ADGRL2: variants seen among roughly 807,000 people sequenced by gnomAD.
The protein encoded by ADGRL2 is adhesion G protein-coupled receptor L2, also known as calcium-independent alpha-latrotoxin receptor 2.
A neutral mutation model predicts 157.4 loss-of-function variants in ADGRL2; 44 were observed. That is an observed-to-expected ratio of 0.28 (90% confidence interval 0.22 to 0.36). The LOEUF is 0.36. ADGRL2 is among the 10% of genes least tolerant of loss of function. The pLI, the probability that ADGRL2 is intolerant of heterozygous loss-of-function variation, is 1.00. For missense variants in ADGRL2, 1,510 were observed against 1,768.9 expected, an observed-to-expected ratio of 0.85 and a Z score of 2.63; for synonymous variants, 585 against 624.7, an observed-to-expected ratio of 0.94 and a Z score of 0.95.
chr1:81,626,805 A>G (rs942286590), intron 3 of ADGRL2, among the ~76,000 whole-genome samples: 3 of 152,146 alleles, frequency 2.0e-5, no homozygotes, highest in African/African-American at 7.2e-5. Flanking sequence ...TTTTATAAAT[A>G]TTTGCTGATG....
chr1:81,498,570 G>A (rs2078777781), intron 2 of ADGRL2, among the ~76,000 whole-genome samples: 1 of 152,162 alleles, frequency 6.6e-6, no homozygotes, highest in Non-Finnish European at 1.5e-5. Context: ...GAGTATAATT[G>A]CAGTGTCAGC....
chr1:81,830,461 G>C (rs545445425), intron 1 of ADGRL2, among the ~76,000 whole-genome samples: 5 of 152,084 alleles, frequency 3.3e-5, no homozygotes, highest in Non-Finnish European at 7.4e-5. Flanking sequence ...CAAAACTTCA[G>C]CTTCTTACTG....
intron 1 of ADGRL2, among the ~76,000 whole-genome samples, chr1:81,406,274 G>A (rs1339671172): frequency 1.3e-5 from 2 of 152,114 alleles, no homozygotes; most frequent in Non-Finnish European, 2.9e-5. Flanking sequence ...TACAATTTAG[G>A]TTTAACACTG....
rs148181687 is a variant in ADGRL2, at chr1:81,990,748, T to C, written c.4013T>C (p.Ile1338Thr). 2.4e-4 allele frequency: 384 copies of C among 1,614,078 alleles called. No individual in the cohort carries two copies. The African/African-American group carries it at 4.6e-3, about 19-fold the overall frequency. Residue 1338 changes from isoleucine to threonine, a missense_variant, in exon 24 of 24, where the codon ATT becomes ACT. Physicochemically the swap from Ile to Thr is moderately conservative, Grantham distance 89. Around this residue, in one of 4 missense-constraint regions of ADGRL2, gnomAD observed 327 missense variants for 310.1 expected, o/e 1.05. Coordinates refer to ENST00000686636, the MANE Select transcript of ADGRL2 (RefSeq NM_001366006.2). ...LHHKELEAPLIPQRTHSLLYQ... is the reference protein window; with the variant it reads ...LHHKELEAPLTPQRTHSLLYQ... ...CACAAAGAACTCGAGGCACCACTTA[T>C]TCCTCAGCGGACTCACTCCCTTCTG...
chr1:81,921,300 T>C (rs2094972462), intron 3 of ADGRL2, among the ~76,000 whole-genome samples: 1 of 152,216 alleles, frequency 6.6e-6, no homozygotes, highest in South Asian at 2.1e-4. Flanking sequence ...ATAAAAAAAT[T>C]CTAAGACTTA....
chr1:81,552,578 C>A (rs1191671802), intron 2 of ADGRL2, among the ~76,000 whole-genome samples: 3 of 138,530 alleles, frequency 2.2e-5, no homozygotes, highest in Admixed American at 1.5e-4. Context: ...GAATGCTAAC[C>A]ACGTAGAGTA....
chr1:81,336,590 G>C (rs560910926), intron 1 of ADGRL2, among the ~76,000 whole-genome samples: 6 of 152,282 alleles, frequency 3.9e-5, no homozygotes, highest in African/African-American at 1.2e-4. Flanking sequence ...ATGGCTGTCA[G>C]TGCACAAAGT....
rs575307519 is a variant in ADGRL2 at position 81,790,080 on chromosome 1, G to C, written c.-101+28228G>C. Reference sequence around the variant, plus strand: ...GTAAGTCCTGTTGATTCCAATTTCTGAGGTTCCCTGGACACATCTTTAACT... The same window carrying C: ...GTAAGTCCTGTTGATTCCAATTTCTCAGGTTCCCTGGACACATCTTTAACT... On this transcript the variant is annotated intron_variant, in intron 2 of 20. Coordinates refer to the ADGRL2 transcript ENST00000359929. 5.9e-5 allele frequency among the ~76,000 whole-genome samples: 9 copies of C among 152,296 alleles called. No homozygotes were observed. The South Asian group carries it at 1.9e-3, about 32-fold the overall frequency.
chr1:81,809,386 T>G (rs2089572468), intron 1 of ADGRL2, among the ~76,000 whole-genome samples: 1 of 151,980 alleles, frequency 6.6e-6, no homozygotes, highest in Non-Finnish European at 1.5e-5. Flanking sequence ...TAAAATGCAT[T>G]AAGTAACATT....
intron 2 of ADGRL2, among the ~76,000 whole-genome samples, chr1:81,487,904 T>C (rs2078543184): frequency 6.6e-6 from 1 of 152,108 alleles, no homozygotes; most frequent in African/African-American, 2.4e-5. Flanking sequence ...TAGATACACA[T>C]AGTAATATAT....
intron 2 of ADGRL2, among the ~76,000 whole-genome samples, chr1:81,901,586 T>A (rs58592142): frequency 0.21 from 32,025 of 151,262 alleles, 4,007 homozygotes; most frequent in East Asian, 0.57. Context: ...ATATATATTT[T>A]TTTTTTTGAT....
At chr1:81,316,998 G>T (rs963490047) in intron 1 of ADGRL2, among the ~76,000 whole-genome samples, 1 of 152,134 alleles carries the variant, frequency 6.6e-6, no homozygotes, top group South Asian at 2.1e-4. Flanking sequence ...AGTGTCCAAT[G>T]CTATCTGTCT....
intron 1 of ADGRL2, among the ~76,000 whole-genome samples, chr1:81,348,442 C>A (rs966422680): frequency 2.0e-5 from 3 of 152,134 alleles, no homozygotes; most frequent in African/African-American, 7.2e-5. Context: ...AAAAAAGGTA[C>A]AATTTGTATT....
At chr1:81,683,465 A>G (rs1272716897) in intron 3 of ADGRL2, among the ~76,000 whole-genome samples, 1 of 151,938 alleles carries the variant, frequency 6.6e-6, no homozygotes, top group Non-Finnish European at 1.5e-5. Flanking sequence ...TTCCCCCCAA[A>G]TCTCCAAAGT....
intron 19 of ADGRL2, among the ~76,000 whole-genome samples, chr1:81,983,574 G>A (rs930335590): frequency 5.9e-5 from 9 of 152,014 alleles, no homozygotes; most frequent in African/African-American, 1.9e-4. Flanking sequence ...TGAGTTGAGG[G>A]AAAGCCTTTG....
intron 3 of ADGRL2, among the ~76,000 whole-genome samples, chr1:81,634,889 C>G (rs2104356): frequency 0.65 from 98,598 of 151,988 alleles, 32,429 homozygotes; most frequent in Non-Finnish European, 0.68. Flanking sequence ...ATCCTGCCTG[C>G]AGTTGAAGAG....
At chr1:81,493,145 C>T (rs373096112) in intron 2 of ADGRL2, among the ~76,000 whole-genome samples, 1 of 152,168 alleles carries the variant, frequency 6.6e-6, no homozygotes, top group Non-Finnish European at 1.5e-5. Context: ...CATTCAGCCT[C>T]CAACAGGTTT....
At chr1:81,580,482 C>A (rs1207563752) in intron 2 of ADGRL2, among the ~76,000 whole-genome samples, 1 of 151,916 alleles carries the variant, frequency 6.6e-6, no homozygotes, top group Non-Finnish European at 1.5e-5. Context: ...AGTTTTTGAA[C>A]AGGCGTGATG....
chr1:81,978,077 T>TA lies in ADGRL2; in HGVS notation c.3022-1782dup, dbSNP rs551181143. Among the ~76,000 whole-genome samples the TA allele has an allele frequency of 7.4e-3, 1,087 of 147,572 alleles. 7 individuals carry two copies. Among genetic ancestry groups the TA allele is most frequent in the South Asian group, 0.043 (200 of 4,674 alleles). On this transcript the variant is annotated intron_variant, in intron 17 of 23. Transcript: ENST00000686636. Reference sequence around the variant, plus strand: ...AGTTAAAGCTAGTGTTGCATAAAATTAAAAAAAAAACACACTCTTAATTTT... The same window carrying TA: ...AGTTAAAGCTAGTGTTGCATAAAATTAAAAAAAAAAACACACTCTTAATTTT...
Sources: allele counts gnomAD v4.1 joint callset (sites outside exome capture counted in the v4.1 genomes callset), GRCh38; gene constraint gnomAD v4.1.1; regional missense constraint gnomAD v4.1.1; transcripts MANE v1.5; gene names NCBI Gene and HGNC (gene_info 2026-07-23, HGNC 2026-07-21).